The following FHIT variants were observed in gnomAD, a reference collection of about 807,000 sequenced individuals.
The protein encoded by FHIT is fragile histidine triad diadenosine triphosphatase.
A neutral mutation model predicts 17.9 loss-of-function variants in FHIT; 19 were observed. The observed-to-expected ratio is 1.06, with a 90% confidence interval of 0.74 to 1.56. FHIT has a LOEUF of 1.56. Ranked by LOEUF, FHIT falls within the 40% of genes most tolerant of loss-of-function variation. FHIT has a pLI of 0.00. For missense variants in FHIT, 248 were observed against 189.2 expected (o/e 1.31, Z -1.82); for synonymous variants, 81 against 69.7 (o/e 1.16, Z -0.81).
intron 5 of FHIT, among the ~76,000 whole-genome samples, chr3:60,188,456 TTGGATTCAA>T (rs758442660): frequency 3.9e-5 from 6 of 152,138 alleles, no homozygotes; most frequent in Non-Finnish European, 7.4e-5. Flanking sequence ...AGAGTTTAAA[TTGGATTCAA>T]TGTGTGTATG....
At chr3:60,646,487 A>C (rs1553686745) in intron 4 of FHIT, among the ~76,000 whole-genome samples, 1 of 152,206 alleles carries the variant, frequency 6.6e-6, no homozygotes, top group Admixed American at 6.5e-5. Flanking sequence ...TATTCACAAT[A>C]AAATGACATT....
At chr3:60,566,437 G>T (rs1239036257) in intron 4 of FHIT, among the ~76,000 whole-genome samples, 9 of 152,132 alleles carry the variant, frequency 5.9e-5, no homozygotes, top group Non-Finnish European at 2.9e-5. Flanking sequence ...CTCAATAAAT[G>T]AGGTATTGAT....
At chr3:59,806,628 C>T (rs12494457) in intron 8 of FHIT, among the ~76,000 whole-genome samples, 124,650 of 149,518 alleles carry the variant, frequency 0.83, 52,314 homozygotes, top group Middle Eastern at 0.95. Context: ...TATATGGGTA[C>T]AGGGTTTATA....
At chr3:60,747,321 T>C (rs2042379028) in intron 4 of FHIT, among the ~76,000 whole-genome samples, 1 of 152,082 alleles carries the variant, frequency 6.6e-6, no homozygotes, top group African/African-American at 2.4e-5. Context: ...CAGGTATCCC[T>C]TCTCAGGGCT....
chr3:60,784,536 A>T (rs183136874), intron 4 of FHIT, among the ~76,000 whole-genome samples: 45 of 152,148 alleles, frequency 3.0e-4, no homozygotes, highest in African/African-American at 1.0e-3. Flanking sequence ...GGGTTTTGCC[A>T]TGTTGGCCAG....
intron 2 of FHIT, among the ~76,000 whole-genome samples, chr3:61,100,432 T>C (rs575864206): frequency 6.6e-6 from 1 of 152,336 alleles, no homozygotes; most frequent in East Asian, 1.9e-4. Context: ...GGTGTATATG[T>C]GCCACATTTT....
chr3:60,215,067 C>T (rs944056487), intron 5 of FHIT, among the ~76,000 whole-genome samples: 2 of 152,158 alleles, frequency 1.3e-5, no homozygotes, highest in South Asian at 2.1e-4. Context: ...CAATCATGTA[C>T]GATACTCACT....
At position 61,028,407 on chromosome 3, in the gene FHIT, G is replaced by A. The variant is rs564933757; in HGVS notation, c.-111+13640C>T. ...ATACAACGTGCTATGGGATGACAAG[G>A]GAGAGATCCCATGAGTTTACACTTC... On this transcript the variant is annotated intron_variant, in intron 3 of 9. Transcript: ENST00000492590. Among the ~76,000 whole-genome samples the A allele has an allele frequency of 5.3e-5, 8 of 152,240 alleles. No individual in the cohort carries two copies. In the East Asian group the frequency reaches 1.2e-3, roughly 22 times the overall value.
chr3:60,900,244 T>C (rs1484879223), intron 3 of FHIT, among the ~76,000 whole-genome samples: 1 of 151,926 alleles, frequency 6.6e-6, no homozygotes, highest in East Asian at 1.9e-4. Context: ...GCAAATGAGG[T>C]ACAAAATTTA....
chr3:60,308,449 C>G (rs1708781603), intron 5 of FHIT, among the ~76,000 whole-genome samples: 1 of 150,474 alleles, frequency 6.6e-6, no homozygotes, highest in Non-Finnish European at 1.5e-5. Flanking sequence ...GTATCTAACC[C>G]AACACTCTAC....
At chr3:59,955,635 C>T (rs941965454) in intron 7 of FHIT, among the ~76,000 whole-genome samples, 1 of 152,128 alleles carries the variant, frequency 6.6e-6, no homozygotes, top group East Asian at 1.9e-4. Flanking sequence ...CTGAACTCTC[C>T]ATTGCCCCAT....
intron 5 of FHIT, among the ~76,000 whole-genome samples, chr3:60,056,480 T>C (rs1437116368): frequency 1.3e-5 from 2 of 152,252 alleles, no homozygotes; most frequent in African/African-American, 4.8e-5. Flanking sequence ...GCACTCCTTA[T>C]TGTGTTACAA....
chr3:60,623,898 C>T (rs142399452), intron 4 of FHIT, among the ~76,000 whole-genome samples: 33 of 152,318 alleles, frequency 2.2e-4, no homozygotes, highest in African/African-American at 7.7e-4. Flanking sequence ...CCATACCCCC[C>T]ACTTCAGGAT....
chr3:60,085,353 G>T (rs2361335), intron 5 of FHIT, among the ~76,000 whole-genome samples: 1 of 151,658 alleles, frequency 6.6e-6, no homozygotes, highest in Non-Finnish European at 1.5e-5. Flanking sequence ...CCTTTGCTTG[G>T]GTTTTTTTCC....
chr3:61,016,793 G>A (rs2032134131), intron 3 of FHIT, among the ~76,000 whole-genome samples: 1 of 152,158 alleles, frequency 6.6e-6, no homozygotes, highest in African/African-American at 2.4e-5. Flanking sequence ...ACAAACTAAA[G>A]GCAAATTCAT....
At chr3:60,831,319 C>A (rs1225199190) in intron 3 of FHIT, among the ~76,000 whole-genome samples, 1 of 152,116 alleles carries the variant, frequency 6.6e-6, no homozygotes, top group Non-Finnish European at 1.5e-5. Flanking sequence ...TGGTTCTCAA[C>A]CTTATACTCT....
chr3:60,286,248 G>A (rs1278274612), intron 5 of FHIT, among the ~76,000 whole-genome samples: 1 of 152,152 alleles, frequency 6.6e-6, no homozygotes, highest in African/African-American at 2.4e-5. Context: ...ATGTAATTAT[G>A]CCACAACAAT....
chr3:59,792,282 T>C (rs1469772016), intron 8 of FHIT, among the ~76,000 whole-genome samples: 1 of 152,194 alleles, frequency 6.6e-6, no homozygotes, highest in Non-Finnish European at 1.5e-5. Flanking sequence ...TAGAAGAGAA[T>C]GTCTTCTACT....
At chr3:60,915,681 T>A (rs1278288966) in intron 3 of FHIT, among the ~76,000 whole-genome samples, 1 of 152,152 alleles carries the variant, frequency 6.6e-6, no homozygotes, top group Non-Finnish European at 1.5e-5. Flanking sequence ...GATATCCTCA[T>A]AAAAGGTGTT....
Sources: gnomAD v4.1 joint callset for allele counts (sites outside exome capture counted in the v4.1 genomes callset) on GRCh38, gnomAD v4.1.1 for gene constraint, MANE v1.5 for transcripts, NCBI Gene and HGNC (gene_info 2026-07-23, HGNC 2026-07-21) for gene names.